The following ARHGAP6 variants were observed in gnomAD, a reference collection of about 807,000 sequenced individuals.
ARHGAP6 encodes the protein Rho GTPase activating protein 6, also known as rho GTPase-activating protein 6.
In ARHGAP6, 16 loss-of-function variants were observed where a neutral mutation model predicts 55.7. The ratio of observed to expected loss-of-function variants is 0.29; its 90% CI spans 0.19 to 0.44. The LOEUF is 0.44. ARHGAP6 is among the 20% of genes least tolerant of loss of function. The pLI is 1.00. For missense variants in ARHGAP6, 698 were observed against 808.9 expected, an observed-to-expected ratio of 0.86 and a Z score of 1.66; for synonymous variants, 382 against 360.9, an observed-to-expected ratio of 1.06 and a Z score of -0.66.
Position 11,143,969 on chromosome X carries a change from G to A in ARHGAP6, c.2176+11C>T. On this transcript the variant is annotated intron_variant, in intron 11 of 12. Transcript: ENST00000337414. ...GTTTTGGCCAGCGCCTGCTGGCCAG[G>A]CTCCAGTTACCTTTCCCAAGCCTTG... 5 of 1,212,003 alleles carry A rather than the reference G, an allele frequency of 4.1e-6. No individual in the cohort carries two copies. Among genetic ancestry groups the A allele is most frequent in the South Asian group, 1.8e-5 (1 of 57,007 alleles).
intron 1 of ARHGAP6, chrX:11,290,439 G>A (rs2047975144): frequency 2.7e-6 from 1 of 374,276 alleles, no homozygotes; most frequent in African/African-American, 2.7e-5. Context: ...GAATTCATCG[G>A]TGGTTTTGTG....
intron 1 of ARHGAP6, among the ~76,000 whole-genome samples, chrX:11,341,216 T>A: frequency 9.0e-6 from 1 of 111,695 alleles, no homozygotes; most frequent in Non-Finnish European, 1.9e-5. Flanking sequence ...ATTAATAAAA[T>A]TATGATTCCA....
chrX:11,471,395 AT>A (rs2050345437), intron 1 of ARHGAP6, among the ~76,000 whole-genome samples: 1 of 112,505 alleles, frequency 8.9e-6, no homozygotes, highest in South Asian at 3.6e-4. Flanking sequence ...ATATATTACT[AT>A]TATTTTCATA....
intron 1 of ARHGAP6, among the ~76,000 whole-genome samples, chrX:11,337,889 C>T (rs2048659337): frequency 8.9e-6 from 1 of 112,065 alleles, no homozygotes; most frequent in South Asian, 3.7e-4. Flanking sequence ...GCTTGGATTT[C>T]AGCAGAGCTT....
intron 2 of ARHGAP6, among the ~76,000 whole-genome samples, chrX:11,227,203 G>A (rs995208639): frequency 7.2e-5 from 8 of 111,834 alleles, no homozygotes; most frequent in African/African-American, 2.3e-4. Context: ...TAGAAGTCAC[G>A]AGAAGAGAAC....
At chrX:11,647,595 G>A (rs1004615341) in intron 1 of ARHGAP6, among the ~76,000 whole-genome samples, 4 of 112,194 alleles carry the variant, frequency 3.6e-5, no homozygotes, top group African/African-American at 1.3e-4. Context: ...ACTGTTATAA[G>A]GTGGCTTTCT....
chrX:11,378,330 T>C (rs1332800072), intron 1 of ARHGAP6, among the ~76,000 whole-genome samples: 2 of 112,866 alleles, frequency 1.8e-5, no homozygotes, highest in African/African-American at 6.4e-5. Flanking sequence ...AAACCAGTTT[T>C]AGAACACTTT....
intron 1 of ARHGAP6, among the ~76,000 whole-genome samples, chrX:11,429,092 A>G (rs1569341236): frequency 8.9e-6 from 1 of 112,539 alleles, no homozygotes; most frequent in Admixed American, 9.3e-5. Context: ...ATGACAAACC[A>G]ACTGTAGTCT....
chrX:11,204,410 G>C (rs1387816667), intron 2 of ARHGAP6, among the ~76,000 whole-genome samples: 1 of 111,735 alleles, frequency 8.9e-6, no homozygotes, highest in African/African-American at 3.3e-5. Context: ...CAGTCTCCTT[G>C]CCAATATCAT....
Position 11,138,632 on chromosome X carries a change from A to C in ARHGAP6, c.*231T>G. ...GGACGTTTTTAGATTGGACATTGCC[A>C]TCTGGTTTGGGTTCTGTTTGTTTTT... On this transcript the variant is annotated 3_prime_UTR_variant, in exon 13 of 13. Transcript: ENST00000337414. The C allele has an allele frequency of 2.3e-6, 1 of 426,415 alleles. No homozygotes were observed. The highest frequency in any genetic ancestry group is 4.0e-6 in the Non-Finnish European group (1 of 248,329). The allele number at this position is 426,415 out of a possible 1,213,427, so 35.1% of individuals were successfully genotyped here. A position where few individuals can be genotyped will look rare whatever the true frequency, so the allele number is the denominator to read the frequency against.
chrX:11,613,778 T>C (rs1198986719), intron 1 of ARHGAP6, among the ~76,000 whole-genome samples: 2 of 112,585 alleles, frequency 1.8e-5, no homozygotes, highest in Non-Finnish European at 3.7e-5. Context: ...GAAGAGTCAA[T>C]GGTTGGTGCT....
In ARHGAP6 at chrX:11,339,916, A is replaced by G. The variant is rs141997835; in HGVS notation, c.589-85209T>C. ...GCTCAAGCAAGCTCTTGAGAGTCAC[A>G]TCTGATTCCCCCTTTTCCTTCACCA... On this transcript the variant is annotated intron_variant, in intron 1 of 12. Transcript: ENST00000337414. Among the ~76,000 whole-genome samples the G allele has an allele frequency of 7.5e-3, 842 of 112,181 alleles. 9 individuals are homozygous for G. The highest frequency in any genetic ancestry group is 0.026 in the African/African-American group (801 of 30,854).
At chrX:11,503,119 C>T (rs1018676496) in intron 1 of ARHGAP6, among the ~76,000 whole-genome samples, 6 of 110,854 alleles carry the variant, frequency 5.4e-5, no homozygotes, top group Admixed American at 1.9e-4. Flanking sequence ...TGGTGTTGAA[C>T]GCCTGACCTC....
chrX:11,508,935 T>C (rs1348298775), intron 1 of ARHGAP6, among the ~76,000 whole-genome samples: 12 of 110,341 alleles, frequency 1.1e-4, no homozygotes, highest in Admixed American at 1.1e-3. Flanking sequence ...ATTTGGCCAT[T>C]TGGCATTTTA....
intron 1 of ARHGAP6, among the ~76,000 whole-genome samples, chrX:11,276,043 C>A (rs1001382278): frequency 8.9e-6 from 1 of 111,768 alleles, no homozygotes; most frequent in Non-Finnish European, 1.9e-5. Context: ...GGCGAATCTG[C>A]TTCTTTCAAG....
intron 2 of ARHGAP6, among the ~76,000 whole-genome samples, chrX:11,251,816 C>A (rs2047427742): frequency 9.0e-6 from 1 of 111,701 alleles, no homozygotes; most frequent in South Asian, 3.8e-4. Flanking sequence ...AGCTTGCCAC[C>A]AGCCACACAT....
In ARHGAP6 at chrX:11,138,615, T is replaced by C. The variant is rs2045576109; in HGVS notation, c.*248A>G. 3 of 419,302 alleles carry C rather than the reference T, an allele frequency of 7.2e-6. No homozygotes were observed. The Admixed American group carries it at 1.3e-4, about 19-fold the overall frequency. 34.6% of individuals were successfully genotyped at this position (419,302 alleles called of 1,213,427 possible). A position where few individuals can be genotyped will look rare whatever the true frequency, so the allele number is the denominator to read the frequency against. On this transcript the variant is annotated 3_prime_UTR_variant, in exon 13 of 13. Transcript: ENST00000337414. ...TATTATAGAGCCAAGAGGGACGTTTTTAGATTGGACATTGCCATCTGGTTT... is the reference window on the plus strand; with the variant it reads ...TATTATAGAGCCAAGAGGGACGTTTCTAGATTGGACATTGCCATCTGGTTT...
intron 1 of ARHGAP6, among the ~76,000 whole-genome samples, chrX:11,438,214 T>C (rs17281073): frequency 0.13 from 14,013 of 111,896 alleles, 791 homozygotes; most frequent in Admixed American, 0.21. Flanking sequence ...GTAATATTAC[T>C]CCAAAATAGC....
At chrX:11,143,951 C>T (rs1053600914) in intron 11 of ARHGAP6, 29 bp downstream of exon 11, 1 of 1,211,903 alleles carries the variant, frequency 8.3e-7, no homozygotes, top group East Asian at 3.0e-5. Context: ...CTTGTTTTGG[C>T]CAGCGCCTGC....
Sources: gnomAD v4.1 joint callset for allele counts (sites outside exome capture counted in the v4.1 genomes callset) on GRCh38, gnomAD v4.1.1 for gene constraint, MANE v1.5 for transcripts, NCBI Gene and HGNC (gene_info 2026-07-23, HGNC 2026-07-21) for gene names.